The following SLC20A2 variants were observed in gnomAD, a reference collection of about 807,000 sequenced individuals.
SLC20A2 encodes the protein solute carrier family 20 member 2.
SLC20A2 carries 30 observed loss-of-function variants against 61.0 expected under a neutral mutation model. That is an observed-to-expected ratio of 0.49 (90% CI 0.37 to 0.67). The LOEUF (loss-of-function observed/expected upper bound fraction) is 0.67, where lower values mean the gene tolerates loss of function less well. SLC20A2 is among the 30% of genes least tolerant of loss of function. The probability of loss-of-function intolerance (pLI) is 0.00; values close to 1 mark genes in which losing one functional copy is unlikely to be tolerated. For synonymous variants in SLC20A2, 351 were observed against 353.3 expected (o/e 0.99, Z 0.07); for missense variants, 626 against 866.4 (o/e 0.72, Z 3.48).
In SLC20A2 at chr8:42,459,891, C is replaced by T; in HGVS notation, c.613+5G>A. 6.2e-7 allele frequency: 1 copy of T among 1,601,218 alleles called. No homozygotes were observed. The highest frequency in any genetic ancestry group is 8.6e-7 in the Non-Finnish European group (1 of 1,169,378). On this transcript the variant is annotated splice_donor_5th_base_variant and intron_variant, in intron 5 of 10. Coordinates refer to ENST00000520262, the MANE Select transcript of SLC20A2 (RefSeq NM_001257180.2). ...CCCTGGAGTATGCTTCCAAGGGATC[C>T]TTACCTGGTGCTCCTGTGTACATGA...
At chr8:42,471,617 C>T (rs1461348216) in intron 2 of SLC20A2, among the ~76,000 whole-genome samples, 1 of 152,226 alleles carries the variant, frequency 6.6e-6, no homozygotes, top group Middle Eastern at 3.4e-3. Context: ...TTCTTTAGAA[C>T]TTAAACTGTG....
intron 1 of SLC20A2, among the ~76,000 whole-genome samples, chr8:42,514,750 TC>T (rs1811228743): frequency 6.8e-6 from 1 of 148,034 alleles, no homozygotes; most frequent in Non-Finnish European, 1.5e-5. Flanking sequence ...GGAGTAATAC[TC>T]TGTTTGAAAA....
At chr8:42,455,911 G>A (rs902351340) in intron 5 of SLC20A2, among the ~76,000 whole-genome samples, 1 of 152,116 alleles carries the variant, frequency 6.6e-6, no homozygotes, top group East Asian at 1.9e-4. Context: ...CAATTACCAA[G>A]AGTAGTTGGG....
At chr8:42,470,306 C>T (rs912111681) in intron 2 of SLC20A2, among the ~76,000 whole-genome samples, 3 of 151,522 alleles carry the variant, frequency 2.0e-5, no homozygotes, top group Non-Finnish European at 4.4e-5. Context: ...CAGCCTCAAC[C>T]TCCTGGGCTC....
chr8:42,503,584 GATC>G (rs1283452637), upstream of SLC20A2, among the ~76,000 whole-genome samples: 1 of 152,126 alleles, frequency 6.6e-6, no homozygotes, highest in Non-Finnish European at 1.5e-5. Flanking sequence ...TCCAAGATAT[GATC>G]ATTTTAATGT....
chr8:42,418,069 T>C, intron 10 of SLC20A2, 102 bp from the exon 11 acceptor site: 3 of 851,320 alleles, frequency 3.5e-6, no homozygotes, highest in Non-Finnish European at 5.4e-6. Flanking sequence ...AGTACAACAT[T>C]ACCCAGTCCC....
At chr8:42,509,131 T>C (rs1810889938) in intron 1 of SLC20A2, among the ~76,000 whole-genome samples, 1 of 152,268 alleles carries the variant, frequency 6.6e-6, no homozygotes, top group South Asian at 2.1e-4. Flanking sequence ...AATAAACATA[T>C]GTTTATGCAT....
At chr8:42,462,192 C>T (rs999927776) in intron 4 of SLC20A2, among the ~76,000 whole-genome samples, 1 of 152,042 alleles carries the variant, frequency 6.6e-6, no homozygotes, top group Non-Finnish European at 1.5e-5. Flanking sequence ...GGCTGGCAGG[C>T]TAGAGAGGGG....
intron 5 of SLC20A2, among the ~76,000 whole-genome samples, chr8:42,451,848 T>A (rs1457707337): frequency 6.4e-5 from 5 of 78,422 alleles, no homozygotes; most frequent in Admixed American, 1.8e-4. Flanking sequence ...AAGGAAGAGA[T>A]GAAAGAGGAG....
chr8:42,462,350 C>T (rs1806777857), intron 4 of SLC20A2, among the ~76,000 whole-genome samples: 1 of 152,200 alleles, frequency 6.6e-6, no homozygotes, highest in African/African-American at 2.4e-5. Context: ...GCGCCAGCTT[C>T]CAAGCAAGGT....
intron 5 of SLC20A2, among the ~76,000 whole-genome samples, chr8:42,455,370 T>A (rs1806115601): frequency 1.3e-5 from 2 of 148,746 alleles, no homozygotes; most frequent in African/African-American, 5.0e-5. Flanking sequence ...AATAATTTGT[T>A]AAGGTTGAGG....
At chr8:42,504,363 G>T (rs1302442271), upstream of SLC20A2, among the ~76,000 whole-genome samples, 1 of 152,150 alleles carries the variant, frequency 6.6e-6, no homozygotes, top group African/African-American at 2.4e-5. Context: ...AAAAGGTTAA[G>T]AGCCAGGAGA....
intron 10 of SLC20A2, among the ~76,000 whole-genome samples, chr8:42,425,806 G>A (rs1420038822): frequency 6.6e-6 from 1 of 152,130 alleles, no homozygotes; most frequent in African/African-American, 2.4e-5. Context: ...ACTTTGGGAG[G>A]CTGAGGCGGG....
chr8:42,450,565 C>G (rs1805565995), intron 5 of SLC20A2, among the ~76,000 whole-genome samples: 1 of 151,496 alleles, frequency 6.6e-6, no homozygotes, highest in Non-Finnish European at 1.5e-5. Flanking sequence ...GCTCTGTCGC[C>G]CAGGCTGGAA....
At chr8:42,420,247 G>C (rs1802954428) in intron 10 of SLC20A2, among the ~76,000 whole-genome samples, 1 of 151,630 alleles carries the variant, frequency 6.6e-6, no homozygotes, top group Admixed American at 6.6e-5. Context: ...AATCTAATGT[G>C]TTCCTTATTT....
chr8:42,507,057 C>T (rs906220974), intron 1 of SLC20A2, among the ~76,000 whole-genome samples: 20 of 152,200 alleles, frequency 1.3e-4, no homozygotes, highest in African/African-American at 4.8e-5. Context: ...GTCAGGCCAT[C>T]GTAAACCACA....
chr8:42,527,612 T>C (rs1316621422), intron 1 of SLC20A2, among the ~76,000 whole-genome samples: 1 of 151,228 alleles, frequency 6.6e-6, no homozygotes, highest in Non-Finnish European at 1.5e-5. Context: ...CTACTAAAAA[T>C]ACAAAATTAG....
intron 10 of SLC20A2, among the ~76,000 whole-genome samples, chr8:42,418,272 T>A (rs1049749490): frequency 1.3e-5 from 2 of 152,206 alleles, no homozygotes; most frequent in Admixed American, 1.3e-4. Context: ...GTTCAAGCAA[T>A]TCTCCTGCCT....
chr8:42,488,935 GTTTTTTTTTTTT>G (rs34643152), intron 1 of SLC20A2, among the ~76,000 whole-genome samples: 1,337 of 83,642 alleles, frequency 0.016, 45 homozygotes, highest in African/African-American at 0.059. Flanking sequence ...TAGGAGTTTT[GTTTTTTTTTTTT>G]TTTTTTTTTT....
Sources: allele counts gnomAD v4.1 joint callset (sites outside exome capture counted in the v4.1 genomes callset), GRCh38; gene constraint gnomAD v4.1.1; transcripts MANE v1.5; gene names NCBI Gene and HGNC (gene_info 2026-07-23, HGNC 2026-07-21).